RANBP17: variants seen among roughly 807,000 people sequenced by gnomAD.
RANBP17 encodes the protein ran-binding protein 17.
RANBP17 carries 158 observed loss-of-function variants against 141.2 expected under a neutral mutation model. The observed-to-expected ratio is 1.12, with a 90% confidence interval of 0.98 to 1.28. The LOEUF (loss-of-function observed/expected upper bound fraction) is 1.28. Ranked by LOEUF, RANBP17 falls within the 50% of genes most tolerant of loss-of-function variation. The pLI, the probability that RANBP17 is intolerant of heterozygous loss-of-function variation, is 0.00. For synonymous variants in RANBP17, 430 were observed against 450.0 expected (o/e 0.96, Z 0.56); for missense variants, 1,438 against 1,290.7 (o/e 1.11, Z -1.75).
chr5:171,101,499 T>C (rs144941155), intron 14 of RANBP17, among the ~76,000 whole-genome samples: 8,454 of 152,298 alleles, frequency 0.056, 298 homozygotes, highest in East Asian at 0.12. Context: ...TGTCTTTGCA[T>C]GTGAGATGGG....
intron 14 of RANBP17, among the ~76,000 whole-genome samples, chr5:171,135,979 TAATC>T (rs1218689239): frequency 6.6e-6 from 1 of 152,174 alleles, no homozygotes; most frequent in Non-Finnish European, 1.5e-5. Flanking sequence ...CAAAAAGAAA[TAATC>T]AGTCAAAGGC....
chr5:171,219,834 A>G (rs1763441470), intron 21 of RANBP17, among the ~76,000 whole-genome samples: 3 of 151,988 alleles, frequency 2.0e-5, no homozygotes, highest in Non-Finnish European at 4.4e-5. Context: ...ATTGGGTTAG[A>G]ACATGCTCCT....
At chr5:171,120,682 G>T (rs1007623386) in intron 14 of RANBP17, among the ~76,000 whole-genome samples, 1 of 152,188 alleles carries the variant, frequency 6.6e-6, no homozygotes, top group African/African-American at 2.4e-5. Context: ...GAATATTGCT[G>T]TGAATTATTT....
intron 14 of RANBP17, among the ~76,000 whole-genome samples, chr5:171,116,757 A>G (rs529791980): frequency 2.0e-5 from 3 of 152,214 alleles, no homozygotes; most frequent in South Asian, 4.1e-4. Flanking sequence ...TATTCCTCCT[A>G]TCTAGCTGTA....
chr5:171,065,562 C>G (rs1447372230), intron 14 of RANBP17, among the ~76,000 whole-genome samples: 1 of 152,070 alleles, frequency 6.6e-6, no homozygotes, highest in African/African-American at 2.4e-5. Flanking sequence ...GGTACCAGTC[C>G]ATGGCCCAGG....
At chr5:171,122,421 C>A (rs1031107684) in intron 14 of RANBP17, among the ~76,000 whole-genome samples, 5 of 152,160 alleles carry the variant, frequency 3.3e-5, no homozygotes, top group Non-Finnish European at 7.3e-5. Flanking sequence ...CCTACACTCG[C>A]CTCCTCCACA....
intron 14 of RANBP17, among the ~76,000 whole-genome samples, chr5:171,132,243 C>A (rs181553139): frequency 2.6e-5 from 4 of 151,974 alleles, no homozygotes; most frequent in Admixed American, 1.3e-4. Context: ...GCCCTACCCC[C>A]CACCCAAGGG....
intron 14 of RANBP17, among the ~76,000 whole-genome samples, chr5:171,055,880 C>CAAAAAAAAAAA (rs72488636): frequency 1.2e-4 from 3 of 25,078 alleles, no homozygotes; most frequent in African/African-American, 3.1e-4. Flanking sequence ...GTCCTGTTGC[C>CAAAAAAAAAAA]AAAAAAAAAA....
chr5:170,918,907 A>G lies in RANBP17; in HGVS notation c.1101+48A>G. ...GTTAAACTGTAGCCAGTTTTAAAAC[A>G]GCTTCTTGGTAAGGGTTGGTGGGGG... On this transcript the variant is annotated intron_variant, in intron 10 of 27. Transcript: ENST00000523189. 4 of 1,282,490 alleles carry G rather than the reference A, an allele frequency of 3.1e-6. No individual in the cohort carries two copies. In the South Asian group the frequency reaches 5.2e-5, roughly 17 times the overall value. The allele number at this position is 1,282,490 out of a possible 1,614,324, so 79.4% of individuals were successfully genotyped here.
chr5:171,185,061 G>A (rs1761141437), intron 18 of RANBP17, among the ~76,000 whole-genome samples: 1 of 152,158 alleles, frequency 6.6e-6, no homozygotes, highest in Non-Finnish European at 1.5e-5. Flanking sequence ...TACTTGGGAG[G>A]CTAAGGCAGG....
intron 25 of RANBP17, among the ~76,000 whole-genome samples, chr5:171,284,177 T>G (rs1261672594): frequency 6.6e-6 from 1 of 152,216 alleles, no homozygotes; most frequent in Non-Finnish European, 1.5e-5. Context: ...TGCACGCTGC[T>G]TAGGGTTCCA....
intron 14 of RANBP17, among the ~76,000 whole-genome samples, chr5:171,132,392 A>G (rs1394913227): frequency 6.6e-6 from 1 of 150,464 alleles, no homozygotes; most frequent in Non-Finnish European, 1.5e-5. Context: ...TTTTTTTTTA[A>G]TTGTCTGCAG....
chr5:171,035,722 T>A (rs1781829498), intron 14 of RANBP17, among the ~76,000 whole-genome samples: 2 of 144,980 alleles, frequency 1.4e-5, no homozygotes, highest in Admixed American at 1.3e-4. Context: ...GTTTGCACTG[T>A]TTGTTTCTTT....
chr5:171,291,485 C>T lies in RANBP17; in HGVS notation c.2944-2398C>T, dbSNP rs991290008. Among the ~76,000 whole-genome samples, 6 of 152,280 alleles carry T rather than the reference C, an allele frequency of 3.9e-5. No homozygotes were observed. The South Asian group carries it at 6.2e-4, about 16-fold the overall frequency. On this transcript the variant is annotated intron_variant, in intron 25 of 27. Coordinates refer to ENST00000523189, the MANE Select transcript of RANBP17 (RefSeq NM_022897.5). ...CAGCTCACGCAGCCATTCCTTGTAC[C>T]AAATACTGATGGTACCTTGTGACTC... is the stretch of plus-strand genomic sequence containing the variant.
chr5:171,137,608 G>GTGTC (rs1554103830), intron 14 of RANBP17, among the ~76,000 whole-genome samples: 14 of 143,724 alleles, frequency 9.7e-5, no homozygotes, highest in Non-Finnish European at 1.4e-4. Flanking sequence ...GTGTGTGTCT[G>GTGTC]TGTGTGTGTG....
intron 13 of RANBP17, 90 bp from the exon 14 acceptor site, chr5:170,968,152 T>C: frequency 1.1e-6 from 1 of 912,816 alleles, no homozygotes. Context: ...ACAGTGATTA[T>C]ATGTTATATT....
chr5:170,924,310 G>A, intron 11 of RANBP17, 47 bp from the exon 12 acceptor site: 1 of 1,238,710 alleles, frequency 8.1e-7, no homozygotes, highest in South Asian at 1.7e-5. Flanking sequence ...GTGAATAAAA[G>A]TGCTTCACAT....
chr5:171,221,712 G>T lies in RANBP17; in HGVS notation c.2340-46G>T, dbSNP rs373740052. Reference sequence around the variant, plus strand: ...CCTAGGCATTTTAAATCTGTGTTTGGTTTCTTTATCTTCACATATAGGCAA... The same window carrying T: ...CCTAGGCATTTTAAATCTGTGTTTGTTTTCTTTATCTTCACATATAGGCAA... On this transcript the variant is annotated intron_variant, in intron 21 of 27. Coordinates refer to ENST00000523189, the MANE Select transcript of RANBP17 (RefSeq NM_022897.5). 3,044 of 1,082,252 alleles carry T rather than the reference G, an allele frequency of 2.8e-3. 96 individuals are homozygous for T. The South Asian group carries it at 0.038, about 13-fold the overall frequency. The allele number at this position is 1,082,252 out of a possible 1,614,324, so 67.0% of individuals were successfully genotyped here.
intron 2 of RANBP17, 27 bp from the exon 3 acceptor site, chr5:170,881,776 GATA>G (rs760648486): frequency 7.3e-7 from 1 of 1,368,524 alleles, no homozygotes; most frequent in Non-Finnish European, 1.0e-6. Flanking sequence ...TTTCATTTAT[GATA>G]ATAATAAATA....
Sources: allele counts gnomAD v4.1 joint callset (sites outside exome capture counted in the v4.1 genomes callset), GRCh38; gene constraint gnomAD v4.1.1; transcripts MANE v1.5; gene names NCBI Gene and HGNC (gene_info 2026-07-23, HGNC 2026-07-21).